The following PPP2R2C variants were observed in gnomAD, a reference collection of about 807,000 sequenced individuals.
PPP2R2C encodes the protein protein phosphatase 2, regulatory subunit B, gamma.
A neutral mutation model predicts 45.3 loss-of-function variants in PPP2R2C; 10 were observed. The ratio of observed to expected loss-of-function variants is 0.22; its 90% CI spans 0.14 to 0.37. The LOEUF (loss-of-function observed/expected upper bound fraction) is 0.37. PPP2R2C is among the 10% of genes least tolerant of loss of function. The probability of loss-of-function intolerance (pLI) is 1.00; values close to 1 mark genes in which losing one functional copy is unlikely to be tolerated. For missense variants in PPP2R2C, 308 were observed against 619.7 expected (o/e 0.50, Z 5.34); for synonymous variants, 257 against 245.4 (o/e 1.05, Z -0.44).
chr4:6,333,477 G>A (rs1732582135), intron 7 of PPP2R2C, 85 bp downstream of exon 7: 20 of 1,481,996 alleles, frequency 1.3e-5, no homozygotes, highest in East Asian at 6.8e-5. Flanking sequence ...TGAAAGCCAC[G>A]CCTGGCTAGG....
chr4:6,426,799 C>G (rs1000827349), intron 1 of PPP2R2C, among the ~76,000 whole-genome samples: 6 of 152,180 alleles, frequency 3.9e-5, no homozygotes, highest in African/African-American at 7.2e-5. Flanking sequence ...GCCACAGGGG[C>G]AGGTGAGGCT....
At chr4:6,393,252 C>T (rs898141472) in intron 1 of PPP2R2C, among the ~76,000 whole-genome samples, 1 of 152,148 alleles carries the variant, frequency 6.6e-6, no homozygotes, top group African/African-American at 2.4e-5. Context: ...CCCCTCCTCT[C>T]CCCAGCCCCC....
chr4:6,429,793 T>C (rs185880953), intron 1 of PPP2R2C, among the ~76,000 whole-genome samples: 1 of 152,192 alleles, frequency 6.6e-6, no homozygotes, highest in Admixed American at 6.5e-5. Context: ...GAGAAACAAA[T>C]GCCCATCGTT....
intron 1 of PPP2R2C, among the ~76,000 whole-genome samples, chr4:6,465,675 TCTTAGC>T (rs1721557514): frequency 6.6e-6 from 1 of 151,972 alleles, no homozygotes; most frequent in African/African-American, 2.4e-5. Context: ...AAGCTTAAAC[TCTTAGC>T]GTGCATTTTA....
chr4:6,455,014 G>A (rs1233373911), intron 1 of PPP2R2C, among the ~76,000 whole-genome samples: 1 of 151,430 alleles, frequency 6.6e-6, no homozygotes, highest in Non-Finnish European at 1.5e-5. Context: ...TCTCCTGTCA[G>A]ACACCTATCA....
At chr4:6,460,315 A>T (rs1356280001) in intron 1 of PPP2R2C, among the ~76,000 whole-genome samples, 1 of 152,194 alleles carries the variant, frequency 6.6e-6, no homozygotes, top group Non-Finnish European at 1.5e-5. Flanking sequence ...ACAGACACAC[A>T]CAGGAAAGAC....
At chr4:6,375,021 A>T (rs6857676) in intron 4 of PPP2R2C, among the ~76,000 whole-genome samples, 1 of 152,044 alleles carries the variant, frequency 6.6e-6, no homozygotes, top group Non-Finnish European at 1.5e-5. Context: ...CATAAACAGG[A>T]TTTTTATGAA....
chr4:6,526,474 G>A (rs1490988663), intron 2 of PPP2R2C, among the ~76,000 whole-genome samples: 2 of 152,224 alleles, frequency 1.3e-5, no homozygotes, highest in African/African-American at 4.8e-5. Context: ...CCTAGATAGT[G>A]GTGATGGTTG....
At chr4:6,556,365 G>T (rs73086938) in intron 1 of PPP2R2C, among the ~76,000 whole-genome samples, 2,762 of 152,264 alleles carry the variant, frequency 0.018, 66 homozygotes, top group African/African-American at 0.061. Flanking sequence ...GTCTTCTCCT[G>T]CCCTGGGATT....
At chr4:6,473,152 T>C (rs1722005876), upstream of PPP2R2C, among the ~76,000 whole-genome samples, 1 of 152,088 alleles carries the variant, frequency 6.6e-6, no homozygotes, top group Admixed American at 6.5e-5. Flanking sequence ...ATGAAATGGC[T>C]GGAGGGGTGA....
intron 1 of PPP2R2C, among the ~76,000 whole-genome samples, chr4:6,418,473 C>T (rs1010256076): frequency 2.6e-5 from 4 of 152,250 alleles, no homozygotes; most frequent in South Asian, 2.1e-4. Flanking sequence ...CCAGCTCGCA[C>T]GCTTAAACAT....
At chr4:6,411,778 T>G (rs1190442747) in intron 1 of PPP2R2C, among the ~76,000 whole-genome samples, 1 of 152,210 alleles carries the variant, frequency 6.6e-6, no homozygotes, top group East Asian at 1.9e-4. Flanking sequence ...GGTCTCAATC[T>G]CCTGACCTCG....
At chr4:6,338,679 C>T (rs1733189776) in intron 6 of PPP2R2C, among the ~76,000 whole-genome samples, 1 of 152,178 alleles carries the variant, frequency 6.6e-6, no homozygotes, top group Non-Finnish European at 1.5e-5. Context: ...CTGCCTCACA[C>T]ACGCAAGTTC....
chr4:6,424,867 A>G (rs1244171955), intron 1 of PPP2R2C, among the ~76,000 whole-genome samples: 1 of 152,222 alleles, frequency 6.6e-6, no homozygotes, highest in Admixed American at 6.5e-5. Flanking sequence ...AAGACCGTAC[A>G]GCCAGAGTTT....
rs147944662 is a variant in PPP2R2C at position 6,378,507 on chromosome 4, C to T, written c.234G>A (p.Pro78=). The change falls in exon 3 of 9, where the codon CCG becomes CCA. Residue 78 remains proline (P), a synonymous_variant. Transcript: ENST00000382599. The surrounding 1 kb of genome is among the most constrained non-coding windows in gnomAD (Gnocchi z 5.2). Reference sequence around the variant, plus strand: ...CCAGGCTCTTGAGATAGTCAAACTCCGGCTCGTGGCTCTGGAAAGTGCTGT... The same window carrying T: ...CCAGGCTCTTGAGATAGTCAAACTCTGGCTCGTGGCTCTGGAAAGTGCTGT... ...DVYSTFQSHE[P]EFDYLKSLEI... 188 of 1,614,026 alleles carry T rather than the reference C, an allele frequency of 1.2e-4. No homozygotes were observed. The highest frequency in any genetic ancestry group is 7.1e-4 in the African/African-American group (53 of 74,904).
chr4:6,380,994 C>T lies in PPP2R2C; in HGVS notation c.168+3G>A. The T allele has an allele frequency of 1.3e-6, 2 of 1,527,500 alleles. No individual in the cohort carries two copies. The highest frequency in any genetic ancestry group is 1.3e-5 in the South Asian group (1 of 76,626). 94.6% of individuals were successfully genotyped at this position (1,527,500 alleles called of 1,614,324 possible). ...ACCTCCCACCAGACCCAGGGCTTCG[C>T]ACCTCTGGTTCCCGCTGGAAGATGA... On this transcript the variant is annotated splice_donor_region_variant and intron_variant, in intron 2 of 8. Transcript: ENST00000382599.
Position 6,333,817 on chromosome 4 carries a change from G to A in PPP2R2C, c.791-86C>T, listed in dbSNP as rs959536476. 40 of 1,418,044 alleles carry A rather than the reference G, an allele frequency of 2.8e-5. No individual in the cohort carries two copies. The African/African-American group carries it at 4.8e-4, about 17-fold the overall frequency. 87.8% of individuals were successfully genotyped at this position (1,418,044 alleles called of 1,614,324 possible). A position where few individuals can be genotyped will look rare whatever the true frequency, so the allele number is the denominator to read the frequency against. On this transcript the variant is annotated intron_variant, in intron 6 of 8. Coordinates refer to ENST00000382599, the MANE Select transcript of PPP2R2C (RefSeq NM_020416.4). ...ACGGATGACTCTGTTTTGCACCTGGGCCCATGCTCTGTTTATTCAGTCATT... is the reference window on the plus strand; with the variant it reads ...ACGGATGACTCTGTTTTGCACCTGGACCCATGCTCTGTTTATTCAGTCATT...
intron 1 of PPP2R2C, among the ~76,000 whole-genome samples, chr4:6,387,168 T>C (rs1374985744): frequency 6.6e-6 from 1 of 151,870 alleles, no homozygotes; most frequent in Non-Finnish European, 1.5e-5. Context: ...AGAGAAGATA[T>C]ACTAAAAAGA....
At chr4:6,538,315 G>A (rs962886961) in intron 1 of PPP2R2C, among the ~76,000 whole-genome samples, 6 of 152,190 alleles carry the variant, frequency 3.9e-5, no homozygotes, top group South Asian at 2.1e-4. Context: ...CCCCACGGAC[G>A]CTTCCTCGGG....
Sources: gnomAD v4.1 joint callset for allele counts (sites outside exome capture counted in the v4.1 genomes callset) on GRCh38, gnomAD v4.1.1 for gene constraint, Gnocchi (gnomAD v3.1) non-coding constraint, MANE v1.5 for transcripts, NCBI Gene and HGNC (gene_info 2026-07-23, HGNC 2026-07-21) for gene names.